The following FTO variants were observed in gnomAD, a reference collection of about 807,000 sequenced individuals.
FTO encodes alpha-ketoglutarate-dependent dioxygenase FTO.
In FTO, 47 loss-of-function variants were observed where a neutral mutation model predicts 63.9. The ratio of observed to expected loss-of-function variants is 0.74; its 90% CI spans 0.58 to 0.94. The LOEUF is 0.94. Among genes scored for constraint, FTO ranks in the 40% least tolerant of loss-of-function variants. The probability of loss-of-function intolerance (pLI) is 0.00; values close to 1 mark genes in which losing one functional copy is unlikely to be tolerated. For missense variants in FTO, 562 were observed against 618.1 expected (o/e 0.91, Z 0.96); for synonymous variants, 207 against 224.4 (o/e 0.92, Z 0.69).
Position 53,933,873 on chromosome 16 carries a change from A to G in FTO, c.1240-112A>G. 12 of 1,031,338 alleles carry G rather than the reference A, an allele frequency of 1.2e-5. No individual in the cohort carries two copies. The South Asian group carries it at 1.8e-4, about 15-fold the overall frequency. 63.9% of individuals were successfully genotyped at this position (1,031,338 alleles called of 1,614,324 possible). On this transcript the variant is annotated intron_variant, in intron 7 of 8. Transcript: ENST00000471389. ...TCATTTACTGCATTGATTTGTTAGC[A>G]GGGGAACTGTAATAAAAAAGCCATT...
intron 4 of FTO, among the ~76,000 whole-genome samples, chr16:53,868,887 A>G (rs867343782): frequency 3.9e-5 from 6 of 152,126 alleles, no homozygotes; most frequent in Middle Eastern, 3.4e-3. Context: ...GCTGGAGTGC[A>G]GTGGCGTGAT....
chr16:54,090,167 T>C (rs1206641618), intron 8 of FTO, among the ~76,000 whole-genome samples: 1 of 152,238 alleles, frequency 6.6e-6, no homozygotes, highest in Non-Finnish European at 1.5e-5. Context: ...AAACAAAATG[T>C]GTTATATGCA....
chr16:53,959,945 G>A (rs1009888120), intron 8 of FTO, among the ~76,000 whole-genome samples: 4 of 152,150 alleles, frequency 2.6e-5, no homozygotes, highest in South Asian at 2.1e-4. Flanking sequence ...ATGGAGACTC[G>A]TGTGTAAACT....
chr16:53,873,119 C>T (rs2080546751), intron 4 of FTO, among the ~76,000 whole-genome samples: 3 of 152,042 alleles, frequency 2.0e-5, no homozygotes, highest in Admixed American at 2.0e-4. Flanking sequence ...ATTGTTAGGG[C>T]AAAATTGATA....
intron 8 of FTO, among the ~76,000 whole-genome samples, chr16:53,997,120 A>G (rs1486124302): frequency 2.2e-5 from 3 of 135,634 alleles, no homozygotes; most frequent in Admixed American, 1.6e-4. Context: ...CTAAAGAAAA[A>G]AAAGAAAGAA....
At chr16:53,818,539 T>C (rs539067921) in intron 2 of FTO, among the ~76,000 whole-genome samples, 1 of 152,274 alleles carries the variant, frequency 6.6e-6, no homozygotes, top group Admixed American at 6.5e-5. Flanking sequence ...TATTTTACAT[T>C]TATATTGGGA....
At chr16:54,031,502 G>T (rs1244088608) in intron 8 of FTO, among the ~76,000 whole-genome samples, 1 of 152,136 alleles carries the variant, frequency 6.6e-6, no homozygotes, top group Non-Finnish European at 1.5e-5. Flanking sequence ...CGTCAAAACT[G>T]TCTTTGTGCC....
intron 8 of FTO, among the ~76,000 whole-genome samples, chr16:53,997,015 A>G (rs1002830921): frequency 2.0e-5 from 3 of 152,048 alleles, no homozygotes; most frequent in African/African-American, 7.3e-5. Context: ...CAGAAGGCTG[A>G]GGCAAGAGAA....
chr16:53,951,517 C>T (rs947950559), intron 8 of FTO, among the ~76,000 whole-genome samples: 3 of 124,160 alleles, frequency 2.4e-5, no homozygotes, highest in Non-Finnish European at 3.8e-5. Flanking sequence ...TGAAGTAGTG[C>T]GCTGTGCGTG....
chr16:53,902,283 G>C (rs995296602), intron 7 of FTO, among the ~76,000 whole-genome samples: 1 of 152,172 alleles, frequency 6.6e-6, no homozygotes, highest in African/African-American at 2.4e-5. Context: ...GAATGTCAAT[G>C]TTGGAAGGGA....
chr16:53,771,940 G>A (rs1313085485), intron 1 of FTO, among the ~76,000 whole-genome samples: 4 of 152,090 alleles, frequency 2.6e-5, no homozygotes, highest in Non-Finnish European at 5.9e-5. Flanking sequence ...GTGATTGCCA[G>A]GAGCTGGGGA....
chr16:53,722,705 A>C (rs892713882), intron 1 of FTO, among the ~76,000 whole-genome samples: 2 of 151,958 alleles, frequency 1.3e-5, no homozygotes, highest in African/African-American at 4.8e-5. Flanking sequence ...GTGTGTGCTT[A>C]TAATACCAGC....
At chr16:53,844,990 G>T (rs1211408808) in intron 4 of FTO, among the ~76,000 whole-genome samples, 1 of 151,114 alleles carries the variant, frequency 6.6e-6, no homozygotes, top group Non-Finnish European at 1.5e-5. Flanking sequence ...CCTTTCTCTC[G>T]ACTTGTCATT....
At chr16:53,845,928 C>G (rs1313953463) in intron 4 of FTO, among the ~76,000 whole-genome samples, 1 of 152,200 alleles carries the variant, frequency 6.6e-6, no homozygotes, top group African/African-American at 2.4e-5. Flanking sequence ...TCCTGCATTT[C>G]TTGAACACTG....
chr16:54,110,609 G>T (rs1326820652), intron 8 of FTO, among the ~76,000 whole-genome samples: 7 of 152,220 alleles, frequency 4.6e-5, no homozygotes, highest in African/African-American at 1.4e-4. Context: ...ATGTCTTTCA[G>T]TTAGGAACCC....
At chr16:54,014,429 G>A (rs906540174) in intron 8 of FTO, among the ~76,000 whole-genome samples, 12 of 151,840 alleles carry the variant, frequency 7.9e-5, no homozygotes, top group African/African-American at 2.4e-4. Flanking sequence ...CTCTCTCTCC[G>A]TGTGATGCCT....
At chr16:53,910,775 A>C (rs1404402160) in intron 7 of FTO, among the ~76,000 whole-genome samples, 1 of 152,150 alleles carries the variant, frequency 6.6e-6, no homozygotes, top group Non-Finnish European at 1.5e-5. Flanking sequence ...ACCTCAGGGG[A>C]TCCGCCTGCC....
chr16:54,109,845 GA>G, intron 8 of FTO, among the ~76,000 whole-genome samples: 1 of 152,256 alleles, frequency 6.6e-6, no homozygotes, highest in African/African-American at 2.4e-5. Flanking sequence ...CAAACTTTAT[GA>G]TATTCTAGGT....
intron 8 of FTO, among the ~76,000 whole-genome samples, chr16:54,078,681 T>G (rs1172896857): frequency 6.6e-6 from 1 of 152,070 alleles, no homozygotes; most frequent in Non-Finnish European, 1.5e-5. Context: ...AAATCAATAG[T>G]GATTAAGATG....
Sources: allele counts gnomAD v4.1 joint callset (sites outside exome capture counted in the v4.1 genomes callset), GRCh38; gene constraint gnomAD v4.1.1; transcripts MANE v1.5; gene names NCBI Gene and HGNC (gene_info 2026-07-23, HGNC 2026-07-21).